PDE1A: variants seen among roughly 807,000 people sequenced by gnomAD.
PDE1A encodes dual specificity calcium/calmodulin-dependent 3',5'-cyclic nucleotide phosphodiesterase 1A.
A neutral mutation model predicts 61.7 loss-of-function variants in PDE1A; 35 were observed. That is an observed-to-expected ratio of 0.57 (90% CI 0.43 to 0.75). The LOEUF is 0.75. Ranked by LOEUF, PDE1A falls within the 30% of genes least tolerant of loss-of-function variation. The probability of loss-of-function intolerance (pLI) is 0.00; values close to 1 mark genes in which losing one functional copy is unlikely to be tolerated. For synonymous variants in PDE1A, 232 were observed against 213.2 expected, an observed-to-expected ratio of 1.09 and a Z score of -0.77; for missense variants, 597 against 630.6, an observed-to-expected ratio of 0.95 and a Z score of 0.57.
chr2:182,200,761 A>G (rs556378902), intron 10 of PDE1A, among the ~76,000 whole-genome samples: 1 of 152,334 alleles, frequency 6.6e-6, no homozygotes, highest in Non-Finnish European at 1.5e-5. Context: ...CCCCATTTGC[A>G]GCTGGCATCT....
At chr2:182,593,041 T>G in the PDE1A span, among the ~76,000 whole-genome samples, 8 of 151,598 alleles carry the variant, frequency 5.3e-5, no homozygotes, top group Non-Finnish European at 7.4e-5. Context: ...TACCCAATAA[T>G]TAAACGTATC....
chr2:182,218,789 A>AGACTT (rs1688466501), intron 7 of PDE1A, among the ~76,000 whole-genome samples: 2 of 152,114 alleles, frequency 1.3e-5, no homozygotes, highest in African/African-American at 2.4e-5. Flanking sequence ...ATGTTGAGCC[A>AGACTT]GACTTGCATA....
the PDE1A span, among the ~76,000 whole-genome samples, chr2:182,671,338 ATTTTTTT>A: frequency 1.5e-3 from 111 of 75,230 alleles, no homozygotes; most frequent in African/African-American, 4.2e-3. Flanking sequence ...CGACTGGCTA[ATTTTTTT>A]TTTTTTTTTT....
chr2:182,192,578 AAGC>A (rs1685790456), intron 10 of PDE1A, among the ~76,000 whole-genome samples: 1 of 152,106 alleles, frequency 6.6e-6, no homozygotes, highest in Non-Finnish European at 1.5e-5. Context: ...ATCAAGGTAA[AAGC>A]AGAGGTCATC....
At chr2:182,269,488 C>G (rs1342546265) in intron 1 of PDE1A, among the ~76,000 whole-genome samples, 4 of 150,196 alleles carry the variant, frequency 2.7e-5, no homozygotes, top group Non-Finnish European at 5.9e-5. Flanking sequence ...AAAAATCTGT[C>G]TCAAAAAAAA....
chr2:182,702,656 A>G, the PDE1A span, among the ~76,000 whole-genome samples: 4 of 152,232 alleles, frequency 2.6e-5, no homozygotes, highest in Admixed American at 1.3e-4. Flanking sequence ...TTTTGCATAG[A>G]AAACATAAAG....
At chr2:182,302,961 T>A (rs1695342800) in intron 1 of PDE1A, among the ~76,000 whole-genome samples, 1 of 152,224 alleles carries the variant, frequency 6.6e-6, no homozygotes. Context: ...TAACATGAGA[T>A]TGCAGCAATT....
At chr2:182,377,872 G>C (rs557671779) in intron 1 of PDE1A, among the ~76,000 whole-genome samples, 185 of 151,036 alleles carry the variant, frequency 1.2e-3, no homozygotes, top group Non-Finnish European at 2.1e-3. Flanking sequence ...TTTTGAGACA[G>C]AGTCTTGCTG....
chr2:182,534,262 T>G, the PDE1A span, among the ~76,000 whole-genome samples: 3 of 150,750 alleles, frequency 2.0e-5, no homozygotes, highest in Middle Eastern at 0.01. Flanking sequence ...CCAATCCCTG[T>G]TTTTTTTTCC....
chr2:182,597,496 A>C, the PDE1A span, among the ~76,000 whole-genome samples: 1 of 152,176 alleles, frequency 6.6e-6, no homozygotes, highest in Non-Finnish European at 1.5e-5. Flanking sequence ...GGGCCAGGAC[A>C]GGGCATGAGA....
chr2:182,585,765 G>A, the PDE1A span, among the ~76,000 whole-genome samples: 26 of 152,270 alleles, frequency 1.7e-4, no homozygotes, highest in African/African-American at 5.8e-4. Flanking sequence ...CATAGATACA[G>A]TAAGTCTGAT....
the PDE1A span, among the ~76,000 whole-genome samples, chr2:182,688,087 A>C: frequency 2.0e-3 from 302 of 152,362 alleles, 8 homozygotes; most frequent in East Asian, 0.049. Flanking sequence ...GAATGGAACC[A>C]AGTTGGAAAA....
chr2:182,350,826 G>T (rs565939163), intron 1 of PDE1A, among the ~76,000 whole-genome samples: 1 of 152,172 alleles, frequency 6.6e-6, no homozygotes, highest in South Asian at 2.1e-4. Context: ...GGACAGTACT[G>T]CCCCCACCCT....
downstream of PDE1A, chr2:182,143,051 C>T (rs1232301743): frequency 6.6e-6 from 1 of 152,056 alleles, no homozygotes; most frequent in African/African-American, 2.4e-5. Context: ...GAAATAAAAT[C>T]CAAATGAAAA....
chr2:182,620,940 A>G, the PDE1A span, among the ~76,000 whole-genome samples: 2 of 152,126 alleles, frequency 1.3e-5, no homozygotes, highest in Non-Finnish European at 2.9e-5. Flanking sequence ...CCACCAGCCC[A>G]TCCAATTATC....
intron 2 of PDE1A, among the ~76,000 whole-genome samples, chr2:182,242,378 G>T (rs751457649): frequency 1.3e-5 from 2 of 152,144 alleles, no homozygotes; most frequent in Admixed American, 6.5e-5. Flanking sequence ...GAGAAATAAT[G>T]ATACGGATTA....
intron 10 of PDE1A, among the ~76,000 whole-genome samples, chr2:182,191,251 G>T (rs1685663695): frequency 6.6e-6 from 1 of 152,070 alleles, no homozygotes; most frequent in Admixed American, 6.6e-5. Context: ...CAGTGCGAAT[G>T]GAAAGGAGGA....
At chr2:182,494,960 C>T (rs1281511349) in intron 2 of PDE1A, among the ~76,000 whole-genome samples, 1 of 152,118 alleles carries the variant, frequency 6.6e-6, no homozygotes, top group African/African-American at 2.4e-5. Context: ...CTTCTCACTG[C>T]AGTTTCTAAG....
chr2:182,557,348 A>G, the PDE1A span, among the ~76,000 whole-genome samples: 2 of 152,344 alleles, frequency 1.3e-5, no homozygotes, highest in South Asian at 4.1e-4. Context: ...TTATTGTCTG[A>G]ACATAATTTC....
Sources: allele counts gnomAD v4.1 joint callset (sites outside exome capture counted in the v4.1 genomes callset), GRCh38; gene constraint gnomAD v4.1.1; transcripts MANE v1.5; gene names NCBI Gene and HGNC (gene_info 2026-07-23, HGNC 2026-07-21).